Variants in SPTA1 observed in about 807,000 individuals in gnomAD.
The protein encoded by SPTA1 is spectrin alpha, erythrocytic 1, also known as spectrin alpha chain, erythrocytic 1.
A neutral mutation model predicts 324.7 loss-of-function variants in SPTA1; 177 were observed. The ratio of observed to expected loss-of-function variants is 0.55; its 90% CI spans 0.48 to 0.62. SPTA1 has a LOEUF of 0.62. Ranked by LOEUF, SPTA1 falls within the 20% of genes least tolerant of loss-of-function variation. The pLI, the probability that SPTA1 is intolerant of heterozygous loss-of-function variation, is 0.00. For synonymous variants in SPTA1, 1,195 were observed against 1,041.3 expected, an observed-to-expected ratio of 1.15 and a Z score of -2.84; for missense variants, 3,162 against 2,883.6, an observed-to-expected ratio of 1.10 and a Z score of -2.21.
chr1:158,649,981 AGAACTAACTCACAT>A (rs777152808), intron 24 of SPTA1, 34 bp from the exon 25 acceptor site: 2 of 1,467,414 alleles, frequency 1.4e-6, no homozygotes, highest in Non-Finnish European at 1.9e-6. Flanking sequence ...CTTGAGACAG[AGAACTAACTCACAT>A]GGCTCAGTGG....
At position 158,611,296 on chromosome 1, in the gene SPTA1, C is replaced by A. The variant is rs750904139; in HGVS notation, c.7228G>T (p.Val2410Phe). 5 of 1,613,746 alleles carry A rather than the reference C, an allele frequency of 3.1e-6. No homozygotes were observed. The highest frequency in any genetic ancestry group is 2.2e-5 in the East Asian group (1 of 44,880). ...CCAAAGTAGGAATTGGTGAAGCCAA[C>A]GTAGTCATAGCCAGAGAGATGGCTT... ...GRSHLSGYDY[V>F]GFTNSYFGN The change falls in exon 52 of 52, where the codon GTT becomes TTT. Residue 2410 changes from valine to phenylalanine, a missense_variant. Coordinates refer to ENST00000643759, the MANE Select transcript of SPTA1 (RefSeq NM_003126.4).
chr1:158,614,468 G>A (rs1276226409), intron 48 of SPTA1, 162 bp from the exon 49 acceptor site: 5 of 617,448 alleles, frequency 8.1e-6, no homozygotes, highest in African/African-American at 1.8e-5. Context: ...AATCTAGGCT[G>A]CCACCTGCTT....
At chr1:158,649,413 G>T (rs573490392) in intron 25 of SPTA1, among the ~76,000 whole-genome samples, 2 of 152,226 alleles carry the variant, frequency 1.3e-5, no homozygotes, top group African/African-American at 4.8e-5. Context: ...CCAAGTAGTT[G>T]GGACCATAGG....
In SPTA1 at chr1:158,618,021, A is replaced by G. The variant is rs776150319; in HGVS notation, c.6548+18T>C. ...ATAATATAATAAAGCAAACATGATG[A>G]TAACATAAAATACTGACCCATCCAG... is the stretch of plus-strand genomic sequence containing the variant. On this transcript the variant is annotated intron_variant, in intron 46 of 51. Coordinates refer to ENST00000643759, the MANE Select transcript of SPTA1 (RefSeq NM_003126.4). The G allele has an allele frequency of 1.6e-5, 26 of 1,608,384 alleles. No homozygotes were observed. The African/African-American group carries it at 3.5e-4, about 21-fold the overall frequency.
At chr1:158,662,085 TGCCTTTCCAATAA>T (rs1277717787) in intron 17 of SPTA1, among the ~76,000 whole-genome samples, 2 of 152,240 alleles carry the variant, frequency 1.3e-5, no homozygotes, top group Non-Finnish European at 2.9e-5. Flanking sequence ...AAACTTTCTA[TGCCTTTCCAATAA>T]GCCTCAGGCT....
At chr1:158,616,706 C>T (rs1452585471) in intron 47 of SPTA1, among the ~76,000 whole-genome samples, 1 of 152,138 alleles carries the variant, frequency 6.6e-6, no homozygotes, top group Non-Finnish European at 1.5e-5. Context: ...TCCCTGTTAT[C>T]TCCTGTCATA....
intron 47 of SPTA1, among the ~76,000 whole-genome samples, chr1:158,616,563 G>A (rs1056569659): frequency 1.3e-5 from 2 of 152,108 alleles, no homozygotes; most frequent in South Asian, 2.1e-4. Context: ...TTCCATCCAT[G>A]TTACTGAAAA....
chr1:158,681,434 A>T (rs1322275140), intron 4 of SPTA1, 93 bp downstream of exon 4: 1 of 1,590,906 alleles, frequency 6.3e-7, no homozygotes, highest in African/African-American at 1.3e-5. Flanking sequence ...AGACATCCTG[A>T]CTTCCTTGTG....
intron 22 of SPTA1, among the ~76,000 whole-genome samples, chr1:158,652,989 T>G (rs1652564043): frequency 6.6e-6 from 1 of 152,176 alleles, no homozygotes. Flanking sequence ...AAAGTTCATA[T>G]AGATGTCAGG....
chr1:158,627,748 T>C (rs1385646704), intron 39 of SPTA1, 25 bp from the exon 40 acceptor site: 1 of 1,603,318 alleles, frequency 6.2e-7, no homozygotes, highest in Middle Eastern at 1.7e-4. Flanking sequence ...CGGTGAGAAT[T>C]AAGATATCCA....
chr1:158,681,530 G>A lies in SPTA1; in HGVS notation c.528C>T (p.Asp176=). The change falls in exon 4 of 52, where the codon GAC becomes GAT. Residue 176 remains aspartate, a synonymous_variant. Coordinates refer to ENST00000643759, the MANE Select transcript of SPTA1 (RefSeq NM_003126.4). ...ECADILEWIG[D]KEAIATSVEL... ...ATTGCTGTTTTAAGTTCGATACCTTGTCTCCAATCCACTCTAAGATGTCAG... is the reference window on the plus strand; with the variant it reads ...ATTGCTGTTTTAAGTTCGATACCTTATCTCCAATCCACTCTAAGATGTCAG... 1 of 1,613,640 alleles carries A rather than the reference G, an allele frequency of 6.2e-7. No homozygotes were observed. The highest frequency in any genetic ancestry group is 8.5e-7 in the Non-Finnish European group (1 of 1,179,662).
intron 13 of SPTA1, 60 bp downstream of exon 13, chr1:158,669,649 C>T: frequency 6.2e-7 from 1 of 1,613,994 alleles, no homozygotes; most frequent in Non-Finnish European, 8.5e-7. Flanking sequence ...ACCATGCCCA[C>T]CAAAACTCTT....
Position 158,656,571 on chromosome 1 carries a change from G to T in SPTA1, c.2891C>A (p.Ala964Asp). Residue 964 changes from alanine to aspartate, a missense_variant, in exon 20 of 52, where the codon GCC becomes GAC. Physicochemically the swap from Ala to Asp is moderately radical, Grantham distance 126 (BLOSUM62 -2). Transcript: ENST00000643759. ...TCGCTAAGTTAGTCTTACCTGGCAG[G>T]CGTTTGCCTGATTCCGCAGAGCTTT... is the stretch of plus-strand genomic sequence containing the variant. The part of the protein sequence containing the change: ...SMKALRNQAN[A>D]CQQQQAAPVE... The T allele has an allele frequency of 6.2e-7, 1 of 1,613,668 alleles. No homozygotes were observed. Among genetic ancestry groups the T allele is most frequent in the African/African-American group, 1.3e-5 (1 of 74,980 alleles).
chr1:158,645,041 T>G, intron 29 of SPTA1, 147 bp downstream of exon 29: 5 of 847,510 alleles, frequency 5.9e-6, no homozygotes, highest in Non-Finnish European at 9.9e-6. Flanking sequence ...ATAGAAAGCA[T>G]AGTACAATGC....
rs547540591 is a variant in SPTA1 at position 158,673,160 on chromosome 1, A to G, written c.1351-964T>C. Among the ~76,000 whole-genome samples the G allele has an allele frequency of 2.0e-5, 3 of 152,188 alleles. No individual in the cohort carries two copies. The East Asian group carries it at 5.8e-4, about 29-fold the overall frequency. On this transcript the variant is annotated intron_variant, in intron 10 of 51. Transcript: ENST00000643759. ...CAGAATAAACTATCAGAATCCCAGG[A>G]TAACTGTTAAGTTTTTAAGTACTTT...
At position 158,617,592 on chromosome 1, in the gene SPTA1, G is replaced by C. The variant is rs199640503; in HGVS notation, c.6549-4C>G. On this transcript the variant is annotated splice_region_variant and splice_polypyrimidine_tract_variant and intron_variant, in intron 46 of 51. Transcript: ENST00000643759. ...TCCTGTTTCTTTGAGCAATGATCTA[G>C]TTAAGAACCGAAGGAAATCATTATG... 5.0e-4 allele frequency: 808 copies of C among 1,611,812 alleles called. No individual in the cohort carries two copies. The highest frequency in any genetic ancestry group is 6.6e-4 in the Non-Finnish European group (780 of 1,178,002).
Position 158,661,424 on chromosome 1 carries a change from A to C in SPTA1, c.2465-15T>G, listed in dbSNP as rs771988950. 1.3e-5 allele frequency: 21 copies of C among 1,613,702 alleles called. No individual in the cohort carries two copies. Among genetic ancestry groups the C allele is most frequent in the Non-Finnish European group, 1.8e-5 (21 of 1,179,826 alleles). On this transcript the variant is annotated splice_polypyrimidine_tract_variant and intron_variant, in intron 17 of 51. Coordinates refer to ENST00000643759, the MANE Select transcript of SPTA1 (RefSeq NM_003126.4). The stretch of plus-strand genomic sequence containing the variant: ...CAGGTCCTTTCCTGCAGAGGAAAGG[A>C]ATTTCAAAGTTTCGGATTATCCTGG...
chr1:158,657,171 A>G (rs2101876356), intron 19 of SPTA1, among the ~76,000 whole-genome samples: 2 of 152,370 alleles, frequency 1.3e-5, no homozygotes, highest in East Asian at 1.9e-4. Context: ...TAATTTATAA[A>G]TGCTCAAGGT....
rs902903288 is a variant in SPTA1, at chr1:158,620,086, C to G, written c.6417+84G>C. 5 of 1,523,538 alleles carry G rather than the reference C, an allele frequency of 3.3e-6. No homozygotes were observed. In the South Asian group the frequency reaches 3.4e-5, roughly 10 times the overall value. The allele number at this position is 1,523,538 out of a possible 1,614,324, so 94.4% of individuals were successfully genotyped here. A position where few individuals can be genotyped will look rare whatever the true frequency, so the allele number is the denominator to read the frequency against. On this transcript the variant is annotated intron_variant, in intron 44 of 51. Transcript: ENST00000643759. Reference sequence around the variant, plus strand: ...AGTATAGTTATTAATAGTGTTCCTTCTATGTCAAAAGTCTATTTACTTGGA... The same window carrying G: ...AGTATAGTTATTAATAGTGTTCCTTGTATGTCAAAAGTCTATTTACTTGGA...
Sources: allele counts gnomAD v4.1 joint callset (sites outside exome capture counted in the v4.1 genomes callset), GRCh38; gene constraint gnomAD v4.1.1; transcripts MANE v1.5; gene names NCBI Gene and HGNC (gene_info 2026-07-23, HGNC 2026-07-21).